CLEC3B: variants seen among roughly 807,000 people sequenced by gnomAD.
CLEC3B encodes the protein C-type lectin domain family 3 member B, also known as tetranectin.
Under a neutral mutation model 15.4 loss-of-function variants are expected in CLEC3B, and 13 were observed. That is an observed-to-expected ratio of 0.84 (90% confidence interval 0.55 to 1.34). The LOEUF (loss-of-function observed/expected upper bound fraction) is 1.34, where lower values mean the gene tolerates loss of function less well. Ranked by LOEUF, CLEC3B falls within the 40% of genes most tolerant of loss-of-function variation. The probability of loss-of-function intolerance (pLI) is 0.00; values close to 1 mark genes in which losing one functional copy is unlikely to be tolerated. For synonymous variants in CLEC3B, 112 were observed against 114.7 expected (o/e 0.98, Z 0.15); for missense variants, 242 against 268.6 (o/e 0.90, Z 0.69).
chr3:45,027,321 C>T (rs1053621790), intron 1 of CLEC3B, among the ~76,000 whole-genome samples: 5 of 152,170 alleles, frequency 3.3e-5, no homozygotes, highest in Admixed American at 3.3e-4. Context: ...CTTAGGCCCT[C>T]CCGGGGCTCT....
At chr3:45,031,536 G>A (rs1054585070) in intron 2 of CLEC3B, among the ~76,000 whole-genome samples, 11 of 152,202 alleles carry the variant, frequency 7.2e-5, no homozygotes, top group Admixed American at 2.6e-4. Flanking sequence ...TAGTTGACTC[G>A]TGGAAGAGCA....
intron 2 of CLEC3B, among the ~76,000 whole-genome samples, chr3:45,033,678 C>T (rs1697597213): frequency 6.6e-6 from 1 of 152,084 alleles, no homozygotes; most frequent in African/African-American, 2.4e-5. Flanking sequence ...AGGGCAGGAG[C>T]AGAGGTGTGG....
At chr3:45,034,483 C>G (rs1459032847) in intron 2 of CLEC3B, 1 of 152,166 alleles carries the variant, frequency 6.6e-6, no homozygotes, top group Non-Finnish European at 1.5e-5. Flanking sequence ...GGGTCACCAG[C>G]AAGAGGACAA....
chr3:45,035,113 G>GA (rs1215299589), intron 2 of CLEC3B, among the ~76,000 whole-genome samples: 37 of 152,230 alleles, frequency 2.4e-4, no homozygotes, highest in Non-Finnish European at 3.8e-4. Context: ...GGGGCGGGGG[G>GA]AAGAGGAAGT....
At chr3:45,030,185 T>A (rs1313006198) in intron 1 of CLEC3B, 2 of 985,704 alleles carry the variant, frequency 2.0e-6, no homozygotes, top group Non-Finnish European at 2.4e-6. Flanking sequence ...GGGTTCCTTC[T>A]GCCCTCATCT....
At chr3:45,031,943 A>G (rs191166025) in intron 2 of CLEC3B, among the ~76,000 whole-genome samples, 3 of 151,048 alleles carry the variant, frequency 2.0e-5, no homozygotes, top group Middle Eastern at 3.4e-3. Context: ...TTGATGCTTG[A>G]TGCACGTTAA....
At chr3:45,029,357 C>T (rs1697524266) in intron 1 of CLEC3B, among the ~76,000 whole-genome samples, 1 of 152,190 alleles carries the variant, frequency 6.6e-6, no homozygotes, top group South Asian at 2.1e-4. Context: ...AGCAGAATGC[C>T]CTTCTTCAGT....
intron 1 of CLEC3B, among the ~76,000 whole-genome samples, chr3:45,029,413 G>A (rs768454489): frequency 4.6e-5 from 7 of 152,294 alleles, no homozygotes; most frequent in Admixed American, 2.6e-4. Context: ...GGTACATCAC[G>A]TGACTGGGTA....
At chr3:45,029,915 G>A (rs927438579) in intron 1 of CLEC3B, among the ~76,000 whole-genome samples, 4 of 152,170 alleles carry the variant, frequency 2.6e-5, no homozygotes, top group African/African-American at 4.8e-5. Context: ...TTAGGAATCC[G>A]TTTGTGTGCC....
intron 2 of CLEC3B, among the ~76,000 whole-genome samples, chr3:45,034,928 G>C (rs1479964816): frequency 6.6e-6 from 1 of 152,208 alleles, no homozygotes; most frequent in East Asian, 1.9e-4. Context: ...CTGGGTACAT[G>C]AAGTGTGGCC....
chr3:45,031,139 G>A (rs563541560), intron 2 of CLEC3B, among the ~76,000 whole-genome samples: 3 of 152,342 alleles, frequency 2.0e-5, no homozygotes, highest in South Asian at 2.1e-4. Flanking sequence ...GGATGTGTAC[G>A]GCCAAATCTC....
At chr3:45,027,981 C>T (rs1189217413) in intron 1 of CLEC3B, among the ~76,000 whole-genome samples, 1 of 151,950 alleles carries the variant, frequency 6.6e-6, no homozygotes, top group African/African-American at 2.4e-5. Context: ...TTCTCTCCAG[C>T]TGTCACACTT....
At chr3:45,029,143 T>C (rs1697521546) in intron 1 of CLEC3B, among the ~76,000 whole-genome samples, 1 of 115,100 alleles carries the variant, frequency 8.7e-6, no homozygotes, top group African/African-American at 3.7e-5. Flanking sequence ...CTCCCACAGC[T>C]TCCTCAGGTG....
chr3:45,029,075 CAG>C (rs1397460690), intron 1 of CLEC3B, among the ~76,000 whole-genome samples: 1 of 152,150 alleles, frequency 6.6e-6, no homozygotes, highest in Admixed American at 6.5e-5. Context: ...ACCTGAGGCT[CAG>C]AGAGTGGGCC....
In CLEC3B at chr3:45,034,227, C is replaced by A. The variant is rs537928487; in HGVS notation, c.209-1297C>A. ...CTAGGTAGCACGTCAGTGTTACCAG[C>A]AGGAAGGAAAGGCAATGAAGGCCGC... On this transcript the variant is annotated intron_variant, in intron 2 of 2. Coordinates refer to ENST00000296130, the MANE Select transcript of CLEC3B (RefSeq NM_003278.3). Among the ~76,000 whole-genome samples, 172 of 152,270 alleles carry A rather than the reference C, an allele frequency of 1.1e-3. 1 individual carries two copies. The highest frequency in any genetic ancestry group is 3.8e-3 in the African/African-American group (159 of 41,538).
At chr3:45,030,194 C>T (rs1697534787) in intron 1 of CLEC3B, 1 of 985,934 alleles carries the variant, frequency 1.0e-6, no homozygotes, top group African/African-American at 1.7e-5. Flanking sequence ...CTGCCCTCAT[C>T]TTATTAGTAG....
chr3:45,035,587 T>G lies in CLEC3B; in HGVS notation c.272T>G (p.Phe91Cys). 2.5e-6 allele frequency: 4 copies of G among 1,613,972 alleles called. No individual in the cohort carries two copies. Among genetic ancestry groups the G allele is most frequent in the Non-Finnish European group, 2.5e-6 (3 of 1,179,974 alleles). ...CFLAFTQTKT[F>C]HEASEDCISR... The stretch of plus-strand genomic sequence containing the variant: ...CTGGCCTTCACCCAGACGAAGACCT[T>G]CCACGAGGCCAGCGAGGACTGCATC... Residue 91 changes from phenylalanine to cysteine, a missense_variant, in exon 3 of 3, where the codon TTC becomes TGC. By Grantham distance (205) the Phe-to-Cys change is radical. Coordinates refer to ENST00000296130, the MANE Select transcript of CLEC3B (RefSeq NM_003278.3).
intron 1 of CLEC3B, among the ~76,000 whole-genome samples, chr3:45,028,783 G>C (rs1273013257): frequency 1.3e-5 from 2 of 152,206 alleles, no homozygotes; most frequent in Non-Finnish European, 2.9e-5. Context: ...GGTCATGCCA[G>C]AGGAGACCAG....
At position 45,030,209 on chromosome 3, in the gene CLEC3B, G is replaced by A. The variant is rs143908960; in HGVS notation, c.110-618G>A. 1.2e-4 allele frequency: 121 copies of A among 986,014 alleles called. 5 individuals carry two copies. The East Asian group carries it at 0.012, about 101-fold the overall frequency. The allele number at this position is 986,014 out of a possible 1,614,324, so 61.1% of individuals were successfully genotyped here. ...CTGCCCTCATCTTATTAGTAGCTGT[G>A]ATGGGCACACACTCAGCCAAGCACT... is the stretch of plus-strand genomic sequence containing the variant. On this transcript the variant is annotated intron_variant, in intron 1 of 2. Transcript: ENST00000296130.
Sources: gnomAD v4.1 joint callset for allele counts (sites outside exome capture counted in the v4.1 genomes callset) on GRCh38, gnomAD v4.1.1 for gene constraint, MANE v1.5 for transcripts, NCBI Gene and HGNC (gene_info 2026-07-23, HGNC 2026-07-21) for gene names.